The following DLGAP2 variants were observed in gnomAD, a reference collection of about 807,000 sequenced individuals.
The protein encoded by DLGAP2 is DLG associated protein 2.
In DLGAP2, 26 loss-of-function variants were observed where a neutral mutation model predicts 100.3. That is an observed-to-expected ratio of 0.26 (90% CI 0.19 to 0.36). DLGAP2 has a LOEUF of 0.36. Among genes scored for constraint, DLGAP2 ranks in the 10% least tolerant of loss-of-function variants. The pLI is 1.00. For missense variants in DLGAP2, 1,858 were observed against 1,453.2 expected, an observed-to-expected ratio of 1.28 and a Z score of -4.53; for synonymous variants, 886 against 630.1, an observed-to-expected ratio of 1.41 and a Z score of -6.08.
At chr8:1,568,485 GT>G (rs1802509345) in intron 6 of DLGAP2, among the ~76,000 whole-genome samples, 1 of 76,978 alleles carries the variant, frequency 1.3e-5, no homozygotes, top group South Asian at 5.1e-4. Context: ...ACACAAATCC[GT>G]CTCTGCCCGT....
intron 2 of DLGAP2, among the ~76,000 whole-genome samples, chr8:1,242,307 G>C (rs960360764): frequency 6.6e-6 from 1 of 152,168 alleles, no homozygotes; most frequent in South Asian, 2.1e-4. Context: ...CAGGTGACGG[G>C]GCAGGGCGGG....
intron 1 of DLGAP2, among the ~76,000 whole-genome samples, chr8:844,082 A>G (rs547172401): frequency 1.3e-5 from 2 of 152,206 alleles, no homozygotes; most frequent in Non-Finnish European, 2.9e-5. Context: ...AATTTTTTTC[A>G]TTTGTTTAAC....
chr8:1,562,006 G>A (rs1485113373), intron 5 of DLGAP2, among the ~76,000 whole-genome samples: 4 of 49,886 alleles, frequency 8.0e-5, no homozygotes, highest in Non-Finnish European at 1.1e-4. Context: ...GGGTGTCGGC[G>A]CCTCGTTACT....
At chr8:1,212,313 A>G (rs1232546896) in intron 2 of DLGAP2, among the ~76,000 whole-genome samples, 1 of 152,212 alleles carries the variant, frequency 6.6e-6, no homozygotes, top group African/African-American at 2.4e-5. Flanking sequence ...AGAAAACATT[A>G]GGAAGGTTTG....
At chr8:1,381,746 G>A (rs1796099238) in intron 3 of DLGAP2, among the ~76,000 whole-genome samples, 1 of 150,896 alleles carries the variant, frequency 6.6e-6, no homozygotes, top group South Asian at 2.1e-4. Context: ...CGTGAATGCT[G>A]GGATTTTCTT....
chr8:943,725 C>G (rs1471749479), intron 2 of DLGAP2, among the ~76,000 whole-genome samples: 1 of 152,236 alleles, frequency 6.6e-6, no homozygotes, highest in Non-Finnish European at 1.5e-5. Flanking sequence ...ATGTGGCCAT[C>G]CCGCCACAAG....
At chr8:1,321,017 A>G (rs925114375) in intron 3 of DLGAP2, among the ~76,000 whole-genome samples, 7 of 150,440 alleles carry the variant, frequency 4.7e-5, no homozygotes, top group African/African-American at 1.2e-4. Context: ...GTGTGTGGGC[A>G]TCCGTGTGCC....
intron 1 of DLGAP2, among the ~76,000 whole-genome samples, chr8:776,350 T>G (rs1821515757): frequency 6.6e-6 from 1 of 152,152 alleles, no homozygotes; most frequent in African/African-American, 2.4e-5. Context: ...CTCTATTTCC[T>G]TCAGTTCTGC....
chr8:1,255,069 C>CGGCCGCTGTGTGTGTGTCTTCTCCTGCTT (rs1563043518), intron 2 of DLGAP2, among the ~76,000 whole-genome samples: 1 of 131,776 alleles, frequency 7.6e-6, no homozygotes, highest in African/African-American at 3.1e-5. Flanking sequence ...TCATCCTGCC[C>CGGCCGCTGTGTGTGTGTCTTCTCCTGCTT]GGCCGCTGTG....
intron 3 of DLGAP2, among the ~76,000 whole-genome samples, chr8:1,313,697 A>G (rs769961100): frequency 1.3e-5 from 2 of 152,194 alleles, no homozygotes; most frequent in South Asian, 2.1e-4. Context: ...GATGGTCACT[A>G]CAGGACAAAA....
chr8:1,553,174 C>A (rs1187842654), intron 5 of DLGAP2, among the ~76,000 whole-genome samples: 1 of 152,136 alleles, frequency 6.6e-6, no homozygotes, highest in African/African-American at 2.4e-5. Context: ...CTCCAGCCCT[C>A]GGCCTCTGTC....
chr8:1,463,693 A>G (rs1798526183), intron 3 of DLGAP2, among the ~76,000 whole-genome samples: 1 of 152,214 alleles, frequency 6.6e-6, no homozygotes, highest in African/African-American at 2.4e-5. Context: ...ATTCGTGAAA[A>G]CAGACTTGCT....
At chr8:1,319,656 G>T (rs1021793569) in intron 3 of DLGAP2, among the ~76,000 whole-genome samples, 3 of 152,172 alleles carry the variant, frequency 2.0e-5, no homozygotes, top group Non-Finnish European at 4.4e-5. Context: ...GACTGGGGAG[G>T]GGCTCATGTC....
intron 1 of DLGAP2, among the ~76,000 whole-genome samples, chr8:813,040 C>A (rs181593249): frequency 6.2e-4 from 95 of 152,298 alleles, no homozygotes; most frequent in African/African-American, 2.2e-3. Context: ...TGTAATTTTT[C>A]ATAATACCCC....
intron 2 of DLGAP2, among the ~76,000 whole-genome samples, chr8:1,144,709 T>G (rs1305568145): frequency 1.3e-5 from 2 of 152,228 alleles, no homozygotes; most frequent in African/African-American, 4.8e-5. Context: ...TACTTTTGGC[T>G]GAAGTAGCCC....
chr8:1,434,223 C>A (rs1156744721), intron 3 of DLGAP2, among the ~76,000 whole-genome samples: 1 of 152,168 alleles, frequency 6.6e-6, no homozygotes, highest in African/African-American at 2.4e-5. Flanking sequence ...AATGTGGATT[C>A]TCAGACTGGC....
intron 2 of DLGAP2, among the ~76,000 whole-genome samples, chr8:1,246,638 C>T (rs541842210): frequency 2.0e-5 from 3 of 152,368 alleles, no homozygotes; most frequent in Admixed American, 2.0e-4. Flanking sequence ...GACAATTGCA[C>T]CTGCTTTCAC....
chr8:761,494 A>G (rs866756853), intron 1 of DLGAP2, among the ~76,000 whole-genome samples: 100 of 152,366 alleles, frequency 6.6e-4, no homozygotes, highest in African/African-American at 2.2e-3. Context: ...TTATATCTAC[A>G]TGGCGTTGCT....
intron 3 of DLGAP2, among the ~76,000 whole-genome samples, chr8:1,269,673 C>T (rs1203792333): frequency 2.0e-5 from 3 of 152,052 alleles, no homozygotes; most frequent in East Asian, 3.9e-4. Context: ...GGAAGGAAAA[C>T]ACCCCAGAAT....
Sources: gnomAD v4.1 joint callset for allele counts (sites outside exome capture counted in the v4.1 genomes callset) on GRCh38, gnomAD v4.1.1 for gene constraint, MANE v1.5 for transcripts, NCBI Gene and HGNC (gene_info 2026-07-23, HGNC 2026-07-21) for gene names.